Variants in SPATA6 observed in about 807,000 individuals in gnomAD.
SPATA6 encodes the protein spermatogenesis associated 6.
SPATA6 carries 56 observed loss-of-function variants against 65.3 expected under a neutral mutation model. That is an observed-to-expected ratio of 0.86 (90% CI 0.69 to 1.07). The LOEUF (loss-of-function observed/expected upper bound fraction) is 1.07. Among genes scored for constraint, SPATA6 ranks in the 50% least tolerant of loss-of-function variants. The probability of loss-of-function intolerance (pLI) is 0.00; values close to 1 mark genes in which losing one functional copy is unlikely to be tolerated. For synonymous variants in SPATA6, 199 were observed against 213.2 expected, an observed-to-expected ratio of 0.93 and a Z score of 0.58; for missense variants, 590 against 594.8, an observed-to-expected ratio of 0.99 and a Z score of 0.08.
At chr1:48,442,403 T>C (rs1030125150) in intron 3 of SPATA6, among the ~76,000 whole-genome samples, 2 of 151,996 alleles carry the variant, frequency 1.3e-5, no homozygotes, top group Non-Finnish European at 2.9e-5. Flanking sequence ...AGTTACTGCA[T>C]GCAGTGCAAA....
At chr1:48,437,058 G>T in intron 3 of SPATA6, 1 of 1,601,188 alleles carries the variant, frequency 6.2e-7, no homozygotes. Context: ...GCAGTTTATT[G>T]TCCCATGTTT....
chr1:48,369,113 C>T (rs989593287), intron 9 of SPATA6, among the ~76,000 whole-genome samples: 1 of 152,266 alleles, frequency 6.6e-6, no homozygotes, highest in Non-Finnish European at 1.5e-5. Context: ...AGCGGATTTT[C>T]GTGAACCGCG....
At chr1:48,361,828 C>A (rs1465709736) in intron 9 of SPATA6, among the ~76,000 whole-genome samples, 1 of 152,116 alleles carries the variant, frequency 6.6e-6, no homozygotes, top group Non-Finnish European at 1.5e-5. Context: ...TGCTTCAACA[C>A]TACCATAATT....
At chr1:48,398,499 T>G (rs1650820212) in intron 7 of SPATA6, among the ~76,000 whole-genome samples, 1 of 151,792 alleles carries the variant, frequency 6.6e-6, no homozygotes, top group South Asian at 2.1e-4. Flanking sequence ...AAGACATTAG[T>G]CAGAAATATT....
chr1:48,401,364 G>C (rs1651145730), intron 6 of SPATA6, among the ~76,000 whole-genome samples: 1 of 151,934 alleles, frequency 6.6e-6, no homozygotes, highest in African/African-American at 2.4e-5. Context: ...TACTACTAGA[G>C]AAAGTTATAA....
Position 48,403,882 on chromosome 1 carries a change from C to T in SPATA6, c.406G>A (p.Gly136Arg). ...GAAAATTCCAGCCTTGGAGCATTTC[C>T]CTGAGAAGAAAAAAGAGGGTATTAT... is the stretch of plus-strand genomic sequence containing the variant. Reference protein sequence around the residue: ...VTMRRISGLRGNAPRLEFSTT... With the variant: ...VTMRRISGLRRNAPRLEFSTT... The change falls in exon 6 of 13, where the codon GGA (glycine) becomes AGA (arginine). Residue 136 changes from glycine to arginine, a missense_variant and splice_region_variant. Transcript: ENST00000371847. 1 of 1,602,024 alleles carries T rather than the reference C, an allele frequency of 6.2e-7. No homozygotes were observed. The highest frequency in any genetic ancestry group is 1.3e-5 in the African/African-American group (1 of 74,224).
intron 11 of SPATA6, among the ~76,000 whole-genome samples, chr1:48,352,394 C>A (rs891659121): frequency 2.0e-5 from 3 of 152,022 alleles, no homozygotes; most frequent in Non-Finnish European, 4.4e-5. Flanking sequence ...TTTCATTGAT[C>A]AAAGTTTCAA....
intron 3 of SPATA6, chr1:48,437,078 A>T (rs1655006191): frequency 6.3e-7 from 1 of 1,598,548 alleles, no homozygotes; most frequent in African/African-American, 1.3e-5. Flanking sequence ...TTCTTCAAAC[A>T]GATGAAAGAA....
At chr1:48,304,766 C>T (rs1645020764) in intron 12 of SPATA6, among the ~76,000 whole-genome samples, 1 of 152,164 alleles carries the variant, frequency 6.6e-6, no homozygotes, top group Non-Finnish European at 1.5e-5. Flanking sequence ...GAAAATGAGG[C>T]TCTTTCCTGT....
intron 1 of SPATA6, among the ~76,000 whole-genome samples, chr1:48,464,673 G>C (rs185253637): frequency 2.1e-4 from 32 of 151,808 alleles, no homozygotes; most frequent in Non-Finnish European, 3.5e-4. Context: ...ATACAAAATA[G>C]ACAGATCATA....
At chr1:48,353,587 G>C (rs1230360039) in intron 11 of SPATA6, among the ~76,000 whole-genome samples, 1 of 151,812 alleles carries the variant, frequency 6.6e-6, no homozygotes, top group Non-Finnish European at 1.5e-5. Context: ...GTGAAACAAG[G>C]AATATTACTA....
chr1:48,262,741 AG>A, the SPATA6 span: 1 of 152,172 alleles, frequency 6.6e-6, no homozygotes, highest in Admixed American at 6.5e-5. Flanking sequence ...AATATTAGCA[AG>A]TTACCTCAAA....
intron 1 of SPATA6, among the ~76,000 whole-genome samples, chr1:48,460,558 A>G (rs1350773239): frequency 6.6e-6 from 1 of 152,194 alleles, no homozygotes; most frequent in Non-Finnish European, 1.5e-5. Context: ...CATAGGTTCC[A>G]GCCAGTGCAG....
Position 48,313,694 on chromosome 1 carries a change from A to G in SPATA6, c.1195-7816T>C, listed in dbSNP as rs566995804. The stretch of plus-strand genomic sequence containing the variant: ...GACAGGATCAAATTCACACATAACC[A>G]TATTAACATTAAATGTAAATGGGCT... On this transcript the variant is annotated intron_variant, in intron 11 of 12. Coordinates refer to ENST00000371847, the MANE Select transcript of SPATA6 (RefSeq NM_019073.4). Among the ~76,000 whole-genome samples, 7 of 152,336 alleles carry G rather than the reference A, an allele frequency of 4.6e-5. No individual in the cohort carries two copies. In the South Asian group the frequency reaches 6.2e-4, roughly 14 times the overall value.
At chr1:48,429,247 G>A (rs1654178737) in intron 3 of SPATA6, among the ~76,000 whole-genome samples, 1 of 151,936 alleles carries the variant, frequency 6.6e-6, no homozygotes, top group Non-Finnish European at 1.5e-5. Context: ...CCCCATTGTT[G>A]CAAGCCCCTC....
At chr1:48,433,204 A>G (rs1044951654) in intron 3 of SPATA6, among the ~76,000 whole-genome samples, 10 of 152,148 alleles carry the variant, frequency 6.6e-5, no homozygotes, top group Non-Finnish European at 1.3e-4. Context: ...ATGGAGCTGC[A>G]TGGTGGTAAT....
At chr1:48,416,056 A>T (rs1652752526) in intron 3 of SPATA6, among the ~76,000 whole-genome samples, 1 of 152,066 alleles carries the variant, frequency 6.6e-6, no homozygotes, top group Admixed American at 6.5e-5. Context: ...TACAAAAATT[A>T]GCTGGGCATG....
intron 12 of SPATA6, among the ~76,000 whole-genome samples, chr1:48,305,523 T>C (rs957757818): frequency 8.5e-5 from 13 of 152,190 alleles, no homozygotes; most frequent in Middle Eastern, 3.4e-3. Context: ...TTTTTTATAT[T>C]AAAATAAATA....
Position 48,399,446 on chromosome 1 carries a change from G to A in SPATA6, c.685C>T (p.Leu229=), listed in dbSNP as rs1178492642. The change falls in exon 7 of 13, where the codon CTA becomes TTA. Residue 229 remains leucine, a synonymous_variant. Transcript: ENST00000371847. ...AGCCGCCGCCTGGTGTCTTCAGATA[G>A]CTCACACATGCGTCTTTTTGTGTAG... ...SPYTKRRMCE[L]SEDTRRRLAH... The A allele has an allele frequency of 1.9e-6, 3 of 1,613,080 alleles. No homozygotes were observed. The highest frequency in any genetic ancestry group is 1.7e-5 in the Admixed American group (1 of 59,890).
Sources: gnomAD v4.1 joint callset for allele counts (sites outside exome capture counted in the v4.1 genomes callset) on GRCh38, gnomAD v4.1.1 for gene constraint, MANE v1.5 for transcripts, NCBI Gene and HGNC (gene_info 2026-07-23, HGNC 2026-07-21) for gene names.